Variants in PBX3 observed in about 807,000 individuals in gnomAD.
PBX3 encodes pre-B-cell leukemia transcription factor 3.
In PBX3, 14 loss-of-function variants were observed where a neutral mutation model predicts 48.5. The ratio of observed to expected loss-of-function variants is 0.29; its 90% confidence interval spans 0.19 to 0.45. The LOEUF (loss-of-function observed/expected upper bound fraction) is 0.45. Among genes scored for constraint, PBX3 ranks in the 20% least tolerant of loss-of-function variants. PBX3 has a pLI of 1.00. For missense variants in PBX3, 386 were observed against 546.7 expected, an observed-to-expected ratio of 0.71 and a Z score of 2.93; for synonymous variants, 210 against 200.3, an observed-to-expected ratio of 1.05 and a Z score of -0.41.
At chr9:125,914,385 T>C (rs1007569558) in intron 2 of PBX3, among the ~76,000 whole-genome samples, 1 of 152,182 alleles carries the variant, frequency 6.6e-6, no homozygotes, top group Non-Finnish European at 1.5e-5. Context: ...ATTAAAGTTT[T>C]GCATTTGTGT....
intron 5 of PBX3, among the ~76,000 whole-genome samples, chr9:125,947,344 A>G (rs1251464850): frequency 6.6e-6 from 1 of 152,196 alleles, no homozygotes; most frequent in East Asian, 1.9e-4. Context: ...ATTAAAATAC[A>G]CAACAATAAT....
At chr9:125,907,451 A>G (rs1233083590) in intron 2 of PBX3, among the ~76,000 whole-genome samples, 1 of 152,074 alleles carries the variant, frequency 6.6e-6, no homozygotes, top group Non-Finnish European at 1.5e-5. Context: ...AAAATGTAGT[A>G]TTTTAATTAA....
intron 2 of PBX3, among the ~76,000 whole-genome samples, chr9:125,836,442 C>T (rs939709381): frequency 1.3e-5 from 2 of 151,236 alleles, no homozygotes; most frequent in Non-Finnish European, 2.9e-5. Context: ...GAGACTCTGT[C>T]TCAAAAAAAA....
intron 2 of PBX3, among the ~76,000 whole-genome samples, chr9:125,881,647 C>G (rs1564154392): frequency 6.6e-6 from 1 of 151,866 alleles, no homozygotes; most frequent in Non-Finnish European, 1.5e-5. Flanking sequence ...GAGACAGGGT[C>G]TTGCTCTGTG....
chr9:125,873,749 A>T (rs1840182757), intron 2 of PBX3, among the ~76,000 whole-genome samples: 1 of 152,188 alleles, frequency 6.6e-6, no homozygotes, highest in African/African-American at 2.4e-5. Context: ...TAAAGTCTTC[A>T]AGTTAATTAG....
At chr9:125,765,673 T>G (rs1836784680) in intron 2 of PBX3, among the ~76,000 whole-genome samples, 2 of 152,208 alleles carry the variant, frequency 1.3e-5, no homozygotes, top group South Asian at 4.1e-4. Context: ...AGTAGACAAC[T>G]GAAAATATAT....
rs200023708 is a variant in PBX3 at position 125,928,459 on chromosome 9, ATTT to A, written c.517-1182_517-1180del. On this transcript the variant is annotated intron_variant, in intron 3 of 8. Transcript: ENST00000373489. ...GTACTGAAAGAGACAATGTCTGAGG[ATTT>A]TTTTTTTTTTTTTGAGACAGAATCT... 6.6e-3 allele frequency among the ~76,000 whole-genome samples: 853 copies of A among 128,794 alleles called. 14 individuals are homozygous for A. The highest frequency in any genetic ancestry group is 0.022 in the African/African-American group (796 of 35,760). The allele number at this position is 128,794 out of a possible 152,430, so 84.5% of individuals were successfully genotyped here. A position where few individuals can be genotyped will look rare whatever the true frequency, so the allele number is the denominator to read the frequency against.
At chr9:125,789,134 A>G (rs1837534856) in intron 2 of PBX3, among the ~76,000 whole-genome samples, 1 of 152,146 alleles carries the variant, frequency 6.6e-6, no homozygotes, top group Non-Finnish European at 1.5e-5. Context: ...ATCGTATTCT[A>G]TTGTGATTAT....
At chr9:125,945,431 T>G (rs538548828) in intron 5 of PBX3, among the ~76,000 whole-genome samples, 1 of 152,302 alleles carries the variant, frequency 6.6e-6, no homozygotes, top group African/African-American at 2.4e-5. Flanking sequence ...TTTCTACTCC[T>G]TCAAAGCTCA....
chr9:125,832,184 A>G (rs1838979666), intron 2 of PBX3, among the ~76,000 whole-genome samples: 1 of 147,198 alleles, frequency 6.8e-6, no homozygotes, highest in South Asian at 2.2e-4. Flanking sequence ...ATAAATATAT[A>G]CTGGTTTTCT....
intron 6 of PBX3, among the ~76,000 whole-genome samples, chr9:125,961,386 A>G (rs1321652067): frequency 6.6e-6 from 1 of 152,194 alleles, no homozygotes; most frequent in Non-Finnish European, 1.5e-5. Context: ...CATGCATGCA[A>G]GATTCTTGGA....
At chr9:125,748,198 CCT>C (rs1180445116) in intron 1 of PBX3, 2 of 991,778 alleles carry the variant, frequency 2.0e-6, no homozygotes, top group African/African-American at 1.7e-5. Flanking sequence ...CGGCCGGCCT[CCT>C]CTGCACAGGA....
chr9:125,780,599 G>A (rs2132031671), intron 2 of PBX3, among the ~76,000 whole-genome samples: 2 of 127,466 alleles, frequency 1.6e-5, no homozygotes, highest in African/African-American at 6.0e-5. Context: ...CTGGGCAGAG[G>A]CGCCCCTCAC....
intron 2 of PBX3, among the ~76,000 whole-genome samples, chr9:125,761,258 C>T (rs1173056152): frequency 6.7e-6 from 1 of 149,666 alleles, no homozygotes; most frequent in Non-Finnish European, 1.5e-5. Flanking sequence ...TTATTATGGT[C>T]TAATTTACAG....
At chr9:125,778,164 G>A (rs1837128565) in intron 2 of PBX3, among the ~76,000 whole-genome samples, 1 of 151,660 alleles carries the variant, frequency 6.6e-6, no homozygotes. Context: ...GTATCACCAT[G>A]TTGGCCATGC....
At chr9:125,755,185 T>G (rs1588117449) in intron 2 of PBX3, among the ~76,000 whole-genome samples, 1 of 152,102 alleles carries the variant, frequency 6.6e-6, no homozygotes, top group Non-Finnish European at 1.5e-5. Context: ...ATTAAAAAAT[T>G]CATAAATTTT....
chr9:125,760,139 C>T (rs77382835), intron 2 of PBX3, among the ~76,000 whole-genome samples: 5,398 of 152,228 alleles, frequency 0.035, 334 homozygotes, highest in African/African-American at 0.12. Context: ...ATCATTAAAA[C>T]GAGATGGCAA....
At chr9:125,826,340 C>T (rs182623961) in intron 2 of PBX3, among the ~76,000 whole-genome samples, 76 of 152,174 alleles carry the variant, frequency 5.0e-4, no homozygotes, top group South Asian at 1.5e-3. Flanking sequence ...TAGTAATAAC[C>T]TTCCTTTCTC....
intron 2 of PBX3, among the ~76,000 whole-genome samples, chr9:125,914,730 G>A (rs1841287629): frequency 5.9e-5 from 9 of 152,120 alleles, no homozygotes; most frequent in Admixed American, 5.9e-4. Context: ...AGGTTAATTG[G>A]GCTGGGATGT....
Sources: allele counts gnomAD v4.1 joint callset (sites outside exome capture counted in the v4.1 genomes callset), GRCh38; gene constraint gnomAD v4.1.1; transcripts MANE v1.5; gene names NCBI Gene and HGNC (gene_info 2026-07-23, HGNC 2026-07-21).